The following FRYL variants were observed in gnomAD, a reference collection of about 807,000 sequenced individuals.
The protein encoded by FRYL is FRY like transcription coactivator, also known as protein furry homolog-like.
In FRYL, 150 loss-of-function variants were observed where a neutral mutation model predicts 351.2. The ratio of observed to expected loss-of-function variants is 0.43; its 90% CI spans 0.37 to 0.49. The LOEUF is 0.49. FRYL is among the 20% of genes least tolerant of loss of function. The pLI is 0.00. For missense variants in FRYL, 3,036 were observed against 3,619.3 expected, an observed-to-expected ratio of 0.84 and a Z score of 4.13; for synonymous variants, 1,153 against 1,257.1, an observed-to-expected ratio of 0.92 and a Z score of 1.75.
intron 1 of FRYL, among the ~76,000 whole-genome samples, chr4:48,722,562 A>AAC (rs1312565646): frequency 1.3e-5 from 2 of 152,212 alleles, no homozygotes; most frequent in African/African-American, 4.8e-5. Flanking sequence ...CCTCACTTGT[A>AAC]ACATGTCTAC....
In FRYL at chr4:48,553,278, G is replaced by A; in HGVS notation, c.4372C>T (p.His1458Tyr). 6.2e-7 allele frequency: 1 copy of A among 1,613,746 alleles called. No homozygotes were observed. The highest frequency in any genetic ancestry group is 8.5e-7 in the Non-Finnish European group (1 of 1,179,768). ...CGATAATACGGGGGATTATCCATGT[G>A]AGTGACCCCTGAACTGACAGGATCG... ...LTDPVSSGVT[H>Y]MDNPPYYRIT... is the part of the protein sequence containing the mutation. Residue 1458 changes from histidine (H) to tyrosine (Y), a missense_variant, in exon 36 of 64, where the codon CAC becomes TAC. Physicochemically the swap from His to Tyr is moderately conservative, Grantham distance 83. This residue lies in a region of FRYL where 1,987 missense variants were observed against 2,311.7 expected (regional missense o/e 0.86). Coordinates refer to ENST00000358350, the MANE Select transcript of FRYL (RefSeq NM_015030.2).
chr4:48,617,345 A>AG (rs1235514227), intron 7 of FRYL, among the ~76,000 whole-genome samples: 1 of 150,726 alleles, frequency 6.6e-6, no homozygotes, highest in East Asian at 1.9e-4. Context: ...AAAAAAAAAA[A>AG]GATTTTTTTT....
intron 3 of FRYL, among the ~76,000 whole-genome samples, chr4:48,656,408 A>G (rs1261021415): frequency 2.2e-5 from 3 of 134,438 alleles, no homozygotes; most frequent in Admixed American, 1.6e-4. Flanking sequence ...ATATAATTAT[A>G]TATAATGTAT....
chr4:48,654,925 T>C (rs1758501198), intron 3 of FRYL, among the ~76,000 whole-genome samples: 1 of 152,230 alleles, frequency 6.6e-6, no homozygotes, highest in Admixed American at 6.5e-5. Context: ...TTGAAGGTCA[T>C]GTGTTTAGAG....
Position 48,510,083 on chromosome 4 carries a change from A to G in FRYL, c.8370T>C (p.Asn2790=), listed in dbSNP as rs1445145331. The G allele has an allele frequency of 6.2e-7, 1 of 1,613,294 alleles. No individual in the cohort carries two copies. Among genetic ancestry groups the G allele is most frequent in the Admixed American group, 1.7e-5 (1 of 60,004 alleles). The change falls in exon 59 of 64, where the codon AAT becomes AAC. Residue 2790 remains asparagine, a synonymous_variant. Transcript: ENST00000358350. ...LELQEHLDTY[N]VKREAAEQWL... ...CCTGCTCAGCGGCTTCTCTTTTCAC[A>G]TTGTATGTATCCAGGTGTTCTTGCA...
intron 3 of FRYL, among the ~76,000 whole-genome samples, chr4:48,635,840 A>G (rs1391841213): frequency 6.6e-6 from 1 of 152,182 alleles, no homozygotes; most frequent in Non-Finnish European, 1.5e-5. Context: ...TGAAAGAGGA[A>G]GCAGAACACA....
chr4:48,701,641 A>G (rs1766727936), intron 2 of FRYL, among the ~76,000 whole-genome samples: 1 of 152,246 alleles, frequency 6.6e-6, no homozygotes, highest in Admixed American at 6.5e-5. Context: ...TAACAAAATC[A>G]AGTATGAGAA....
In FRYL at chr4:48,556,983, G is replaced by A. The variant is rs568787288; in HGVS notation, c.4261C>T (p.Pro1421Ser). 37 of 1,582,470 alleles carry A rather than the reference G, an allele frequency of 2.3e-5. No homozygotes were observed. In the African/African-American group the frequency reaches 4.1e-4, roughly 17 times the overall value. The part of the protein sequence containing the change: ...CGVNSEPSLL[P>S]YVKKVIVYLG... ...AAATGAACTTGAATACATACGTAAG[G>A]CAAGAGGCTTGGTTCGCTATTCACC... The change falls in exon 35 of 64, where the codon CCT (proline) becomes TCT (serine). Residue 1421 changes from proline to serine, a missense_variant. By Grantham distance (74) the Pro-to-Ser change is moderately conservative. Transcript: ENST00000358350.
chr4:48,623,178 T>C lies in FRYL; in HGVS notation c.122A>G (p.Glu41Gly), dbSNP rs562273667. The C allele has an allele frequency of 1.4e-6, 2 of 1,467,522 alleles. No individual in the cohort carries two copies. Among genetic ancestry groups the C allele is most frequent in the Admixed American group, 2.2e-5 (1 of 45,440 alleles). The allele number at this position is 1,467,522 out of a possible 1,614,324, so 90.9% of individuals were successfully genotyped here. A position where few individuals can be genotyped will look rare whatever the true frequency, so the allele number is the denominator to read the frequency against. ...KIEVVMAEPL[E>G]KLLSRSLQRG... Reference sequence around the variant, plus strand: ...CTGAAGAGATCTGGACAATAGCTTCTCCTATGATTAAAAAAAACAAACATT... The same window carrying C: ...CTGAAGAGATCTGGACAATAGCTTCCCCTATGATTAAAAAAAACAAACATT... The change falls in exon 5 of 64, where the codon GAG becomes GGG. Residue 41 changes from glutamate (E) to glycine (G), a missense_variant and splice_region_variant. Physicochemically the swap from Glu to Gly is moderately conservative, Grantham distance 98. Coordinates refer to ENST00000358350, the MANE Select transcript of FRYL (RefSeq NM_015030.2).
At position 48,505,625 on chromosome 4, in the gene FRYL, A is replaced by G. The variant is rs752986581; in HGVS notation, c.8395-10T>C. ...TACAATCATCTAGCCACTAAAAATA[A>G]GTAACAGTAACGTTTAATATGCACA... is the stretch of plus-strand genomic sequence containing the variant. On this transcript the variant is annotated splice_polypyrimidine_tract_variant and intron_variant, in intron 59 of 63. Transcript: ENST00000358350. 2.5e-6 allele frequency: 4 copies of G among 1,580,518 alleles called. No individual in the cohort carries two copies. The highest frequency in any genetic ancestry group is 3.5e-6 in the Non-Finnish European group (4 of 1,151,432).
At chr4:48,762,737 T>C (rs967751169) in intron 1 of FRYL, among the ~76,000 whole-genome samples, 1 of 152,220 alleles carries the variant, frequency 6.6e-6, no homozygotes, top group Non-Finnish European at 1.5e-5. Context: ...GGATTTTAAA[T>C]TGATCACCAT....
intron 33 of FRYL, among the ~76,000 whole-genome samples, 198 bp downstream of exon 33, chr4:48,561,270 G>A (rs1191407160): frequency 6.6e-6 from 1 of 152,010 alleles, no homozygotes; most frequent in African/African-American, 2.4e-5. Flanking sequence ...AACCCTATAA[G>A]GACGCCGTTG....
chr4:48,499,790 C>G, intron 63 of FRYL, 110 bp from the exon 64 acceptor site: 1 of 1,072,436 alleles, frequency 9.3e-7, no homozygotes, highest in Non-Finnish European at 1.4e-6. Flanking sequence ...ATAACATGAT[C>G]TGTTTTAATA....
rs905233486 is a variant in FRYL at position 48,542,256 on chromosome 4, T to C, written c.5593-135A>G. 2 of 658,020 alleles carry C rather than the reference T, an allele frequency of 3.0e-6. 1 individual carries two copies. The highest frequency in any genetic ancestry group is 3.8e-5 in the South Asian group (2 of 52,688). The allele number at this position is 658,020 out of a possible 1,614,324, so 40.8% of individuals were successfully genotyped here. A position where few individuals can be genotyped will look rare whatever the true frequency, so the allele number is the denominator to read the frequency against. On this transcript the variant is annotated intron_variant, in intron 44 of 63. Transcript: ENST00000358350. ...ATGATTAAACTCTTGAGCAACATGATCTTGCTGATTGATGCAAACTCATCC... is the reference window on the plus strand; with the variant it reads ...ATGATTAAACTCTTGAGCAACATGACCTTGCTGATTGATGCAAACTCATCC...
At chr4:48,702,497 T>G (rs1332040983) in intron 2 of FRYL, among the ~76,000 whole-genome samples, 234 of 97,934 alleles carry the variant, frequency 2.4e-3, no homozygotes, top group Middle Eastern at 0.013. Flanking sequence ...AAAAAAATGC[T>G]GGGCGCGGTG....
At chr4:48,664,622 A>G (rs1176045994) in intron 3 of FRYL, among the ~76,000 whole-genome samples, 3 of 152,178 alleles carry the variant, frequency 2.0e-5, no homozygotes, top group Non-Finnish European at 2.9e-5. Flanking sequence ...CTAAAATACA[A>G]AGGGATGAAA....
chr4:48,754,547 A>G (rs1382263446), intron 1 of FRYL, among the ~76,000 whole-genome samples: 1 of 152,186 alleles, frequency 6.6e-6, no homozygotes, highest in Non-Finnish European at 1.5e-5. Context: ...CATTCAACTG[A>G]GAAGCCACCC....
Position 48,548,789 on chromosome 4 carries a change from T to C in FRYL, c.4789A>G (p.Asn1597Asp). The C allele has an allele frequency of 1.3e-6, 2 of 1,579,816 alleles. No individual in the cohort carries two copies. Among genetic ancestry groups the C allele is most frequent in the South Asian group, 1.1e-5 (1 of 87,510 alleles). The change falls in exon 40 of 64, where the codon AAC (asparagine) becomes GAC (aspartate). Residue 1597 changes from asparagine (N) to aspartate (D), a missense_variant. Asn to Asp is a conservative substitution (Grantham distance 23, BLOSUM62 1). Around this residue, in one of 7 missense-constraint regions of FRYL, gnomAD observed 1,987 missense variants for 2,311.7 expected, o/e 0.86. Transcript: ENST00000358350. Reference protein sequence around the residue: ...SSPGLPLHRCNIAVILLTDLI... With the variant: ...SSPGLPLHRCDIAVILLTDLI... ...TCAGTCAAAAGGATCACTGCTATGT[T>C]ACACCTATGACAAATAAGAGTTTCA...
At chr4:48,623,069 C>G (rs370483948) in intron 5 of FRYL, 57 bp downstream of exon 5, 105 of 1,038,676 alleles carry the variant, frequency 1.0e-4, no homozygotes, top group Non-Finnish European at 1.3e-4. Flanking sequence ...TTGGGCCAGA[C>G]TATTAGGATG....
Sources: allele counts gnomAD v4.1 joint callset (sites outside exome capture counted in the v4.1 genomes callset), GRCh38; gene constraint gnomAD v4.1.1; regional missense constraint gnomAD v4.1.1; transcripts MANE v1.5; gene names NCBI Gene and HGNC (gene_info 2026-07-23, HGNC 2026-07-21).